The following UNC13C variants were observed in gnomAD, a reference collection of about 807,000 sequenced individuals.
UNC13C encodes unc-13 homolog C.
Under a neutral mutation model 245.4 loss-of-function variants are expected in UNC13C, and 174 were observed. That is an observed-to-expected ratio of 0.71 (90% CI 0.63 to 0.80). The LOEUF (loss-of-function observed/expected upper bound fraction) is 0.80. UNC13C is among the 30% of genes least tolerant of loss of function. UNC13C has a pLI of 0.00. For synonymous variants in UNC13C, 992 were observed against 895.1 expected (o/e 1.11, Z -1.93); for missense variants, 2,829 against 2,602.9 (o/e 1.09, Z -1.89).
intron 18 of UNC13C, among the ~76,000 whole-genome samples, chr15:54,394,827 T>A (rs2040036965): frequency 6.6e-6 from 1 of 151,904 alleles, no homozygotes; most frequent in Non-Finnish European, 1.5e-5. Flanking sequence ...TTATTTGTAA[T>A]CATGTGCCAC....
intron 19 of UNC13C, among the ~76,000 whole-genome samples, chr15:54,431,708 A>C (rs960025115): frequency 3.2e-4 from 48 of 151,644 alleles, no homozygotes; most frequent in Admixed American, 3.0e-3. Context: ...AAATTGGAAA[A>C]TCATATGTGC....
the UNC13C span, among the ~76,000 whole-genome samples, chr15:53,855,741 C>T: frequency 6.6e-6 from 1 of 151,996 alleles, no homozygotes; most frequent in Non-Finnish European, 1.5e-5. Flanking sequence ...AAGATATTGG[C>T]CTGAAGTTTT....
In UNC13C at chr15:54,344,181, C is replaced by A. The variant is rs141144005; in HGVS notation, c.4713+5692C>A. 2.9e-3 allele frequency among the ~76,000 whole-genome samples: 446 copies of A among 152,250 alleles called. 1 individual carries two copies. The highest frequency in any genetic ancestry group is 0.01 in the African/African-American group (426 of 41,552). ...AGAATCTTTATCATTTCCTCATCTA[C>A]TAATTAATACTCAGTGGATTAATTA... On this transcript the variant is annotated intron_variant, in intron 17 of 32. Coordinates refer to ENST00000260323, the MANE Select transcript of UNC13C (RefSeq NM_001080534.3).
At chr15:54,084,726 A>G (rs1412964360) in intron 2 of UNC13C, among the ~76,000 whole-genome samples, 1 of 152,196 alleles carries the variant, frequency 6.6e-6, no homozygotes, top group Non-Finnish European at 1.5e-5. Flanking sequence ...ATCCACAAAT[A>G]TTACTGCTAG....
chr15:54,527,954 T>C (rs1566889559), intron 25 of UNC13C, among the ~76,000 whole-genome samples: 2 of 152,236 alleles, frequency 1.3e-5, no homozygotes, highest in Non-Finnish European at 2.9e-5. Context: ...GTGATCATGC[T>C]GTGAAGTCAC....
intron 27 of UNC13C, among the ~76,000 whole-genome samples, chr15:54,547,306 A>T (rs1252927716): frequency 1.3e-5 from 2 of 152,084 alleles, no homozygotes; most frequent in Non-Finnish European, 2.9e-5. Context: ...TAGAGGAGGC[A>T]TCTTTTAGTG....
intron 8 of UNC13C, among the ~76,000 whole-genome samples, chr15:54,261,526 GTTTTGT>G (rs1159638674): frequency 1.4e-4 from 11 of 81,418 alleles, no homozygotes; most frequent in African/African-American, 1.0e-3. Context: ...TTGTTTGTTT[GTTTTGT>G]TTTGTTTTGT....
the UNC13C span, among the ~76,000 whole-genome samples, chr15:53,884,345 T>C: frequency 3.3e-5 from 5 of 152,204 alleles, no homozygotes; most frequent in Non-Finnish European, 7.4e-5. Flanking sequence ...TTCCCCTGCC[T>C]ATACACAGGG....
the UNC13C span, among the ~76,000 whole-genome samples, chr15:53,861,308 A>G: frequency 6.6e-6 from 1 of 152,174 alleles, no homozygotes; most frequent in South Asian, 2.1e-4. Context: ...ATGTTTTATT[A>G]TTCAGTCTTT....
chr15:53,871,916 C>T, the UNC13C span, among the ~76,000 whole-genome samples: 3 of 152,260 alleles, frequency 2.0e-5, no homozygotes, highest in Non-Finnish European at 2.9e-5. Flanking sequence ...GAAAGTTGTG[C>T]AGGAAAAACT....
At chr15:54,629,929 A>G (rs1210534863), downstream of UNC13C, 1 of 152,184 alleles carries the variant, frequency 6.6e-6, no homozygotes, top group Non-Finnish European at 1.5e-5. Flanking sequence ...TTTTGAAATG[A>G]TTATAAATTC....
At chr15:54,493,111 T>G (rs1453979325) in intron 19 of UNC13C, among the ~76,000 whole-genome samples, 1 of 152,190 alleles carries the variant, frequency 6.6e-6, no homozygotes, top group Admixed American at 6.5e-5. Context: ...ATGATCTGGG[T>G]TTCAGGGTAG....
At chr15:54,411,585 T>A (rs903350282) in intron 18 of UNC13C, among the ~76,000 whole-genome samples, 1 of 151,944 alleles carries the variant, frequency 6.6e-6, no homozygotes, top group Admixed American at 6.6e-5. Flanking sequence ...TTAGCATCTC[T>A]TGTTGAAAAG....
chr15:54,032,849 T>C (rs1053654715), intron 2 of UNC13C, among the ~76,000 whole-genome samples: 9 of 152,132 alleles, frequency 5.9e-5, no homozygotes, highest in African/African-American at 2.2e-4. Context: ...CCGGATGGGA[T>C]TGGAGACAAT....
chr15:54,360,580 G>T (rs1373393317), intron 17 of UNC13C, among the ~76,000 whole-genome samples: 1 of 151,998 alleles, frequency 6.6e-6, no homozygotes, highest in African/African-American at 2.4e-5. Flanking sequence ...TTGACATAAA[G>T]TCTGTTTTAT....
At chr15:54,135,852 G>A (rs906012690) in intron 2 of UNC13C, among the ~76,000 whole-genome samples, 3 of 151,998 alleles carry the variant, frequency 2.0e-5, no homozygotes, top group African/African-American at 7.2e-5. Context: ...TTGGAATTCT[G>A]GTAGAGATTC....
At chr15:53,845,592 T>G in the UNC13C span, among the ~76,000 whole-genome samples, 1 of 152,216 alleles carries the variant, frequency 6.6e-6, no homozygotes, top group Non-Finnish European at 1.5e-5. Context: ...ATGCTTACTC[T>G]ATGCTAAGCA....
At chr15:54,225,262 C>A (rs2035347662) in intron 4 of UNC13C, among the ~76,000 whole-genome samples, 1 of 151,604 alleles carries the variant, frequency 6.6e-6, no homozygotes, top group African/African-American at 2.4e-5. Context: ...CAGCTTTGTT[C>A]TTTTCGCTTA....
chr15:53,992,177 T>C (rs1028292312), intron 1 of UNC13C, among the ~76,000 whole-genome samples: 4 of 152,078 alleles, frequency 2.6e-5, no homozygotes, highest in African/African-American at 9.7e-5. Flanking sequence ...ATGTATCCCA[T>C]AATGATACAT....
Sources: allele counts gnomAD v4.1 joint callset (sites outside exome capture counted in the v4.1 genomes callset), GRCh38; gene constraint gnomAD v4.1.1; transcripts MANE v1.5; gene names NCBI Gene and HGNC (gene_info 2026-07-23, HGNC 2026-07-21).